Variants in RFTN1 observed in about 807,000 individuals in gnomAD.
The protein encoded by RFTN1 is raftlin, lipid raft linker 1, also known as raftlin.
RFTN1 carries 26 observed loss-of-function variants against 46.5 expected under a neutral mutation model. That is an observed-to-expected ratio of 0.56 (90% confidence interval 0.41 to 0.78). The LOEUF (loss-of-function observed/expected upper bound fraction) is 0.78. RFTN1 is among the 30% of genes least tolerant of loss of function. The pLI, the probability that RFTN1 is intolerant of heterozygous loss-of-function variation, is 0.00. For synonymous variants in RFTN1, 261 were observed against 284.2 expected, an observed-to-expected ratio of 0.92 and a Z score of 0.82; for missense variants, 693 against 718.7, an observed-to-expected ratio of 0.96 and a Z score of 0.41.
intron 4 of RFTN1, among the ~76,000 whole-genome samples, chr3:16,396,866 C>A (rs935308219): frequency 6.6e-6 from 1 of 152,030 alleles, no homozygotes; most frequent in Non-Finnish European, 1.5e-5. Flanking sequence ...AGTTTGAGAC[C>A]AGCCTGGCCA....
Position 16,321,974 on chromosome 3 carries a change from G to C in RFTN1, c.1332+1402C>G, listed in dbSNP as rs1428451122. On this transcript the variant is annotated intron_variant, in intron 9 of 9. Transcript: ENST00000334133. The surrounding 1 kb of genome is among the most constrained non-coding windows in gnomAD (Gnocchi z 4.8). ...TGGAATCTGTGTGCCCCACCACCAG[G>C]AACCTGTTAGGCAAAGGTGGCACCA... Among the ~76,000 whole-genome samples the C allele has an allele frequency of 6.6e-6, 1 of 152,186 alleles. No homozygotes were observed. Among genetic ancestry groups the C allele is most frequent in the Non-Finnish European group, 1.5e-5 (1 of 68,024 alleles).
At chr3:16,403,651 TAA>T (rs1559326407) in intron 4 of RFTN1, among the ~76,000 whole-genome samples, 2 of 50,242 alleles carry the variant, frequency 4.0e-5, no homozygotes, top group African/African-American at 1.7e-4. Flanking sequence ...AATATATATA[TAA>T]TATATATTTT....
At chr3:16,488,602 GATA>G (rs2076490834) in intron 2 of RFTN1, among the ~76,000 whole-genome samples, 1 of 152,304 alleles carries the variant, frequency 6.6e-6, no homozygotes, top group East Asian at 1.9e-4. Context: ...CATTCTACAT[GATA>G]ATAAGTTTTC....
intron 2 of RFTN1, among the ~76,000 whole-genome samples, chr3:16,441,788 C>T (rs1413560921): frequency 6.6e-6 from 1 of 152,208 alleles, no homozygotes; most frequent in Non-Finnish European, 1.5e-5. Flanking sequence ...ATTTCCCTCA[C>T]AGGTGAAGCT....
chr3:16,430,356 T>C (rs534815960), intron 3 of RFTN1, among the ~76,000 whole-genome samples: 9 of 152,206 alleles, frequency 5.9e-5, no homozygotes, highest in Non-Finnish European at 1.2e-4. Flanking sequence ...AAGAGAATCT[T>C]CTGCCTTGGT....
Position 16,398,063 on chromosome 3 carries a change from G to T in RFTN1, c.441+11312C>A, listed in dbSNP as rs536104387. On this transcript the variant is annotated intron_variant, in intron 4 of 9. Transcript: ENST00000334133. ...AGTTCGAGACCAGCCTGCCCAAAAT[G>T]GTGAAACCCCGTCTCTACTAAAAAT... Among the ~76,000 whole-genome samples, 177 of 152,002 alleles carry T rather than the reference G, an allele frequency of 1.2e-3. 1 individual carries two copies. Among genetic ancestry groups the T allele is most frequent in the African/African-American group, 3.5e-3 (147 of 41,444 alleles).
At chr3:16,464,687 T>C (rs2076061206) in intron 2 of RFTN1, among the ~76,000 whole-genome samples, 1 of 152,252 alleles carries the variant, frequency 6.6e-6, no homozygotes, top group Admixed American at 6.5e-5. Flanking sequence ...GTTTTGTAAA[T>C]AAAGTTTTAT....
intron 4 of RFTN1, among the ~76,000 whole-genome samples, chr3:16,388,258 A>G (rs1331784498): frequency 1.3e-5 from 2 of 152,192 alleles, no homozygotes; most frequent in South Asian, 2.1e-4. Flanking sequence ...TAGCTGGATG[A>G]GAGCTCTATG....
intron 6 of RFTN1, among the ~76,000 whole-genome samples, chr3:16,368,446 T>C (rs559873490): frequency 1.3e-5 from 2 of 152,132 alleles, no homozygotes; most frequent in East Asian, 3.9e-4. Flanking sequence ...CCAAGGCGGG[T>C]GGATCACGAG....
intron 2 of RFTN1, among the ~76,000 whole-genome samples, chr3:16,477,914 A>G (rs2076308590): frequency 6.6e-6 from 1 of 152,274 alleles, no homozygotes; most frequent in African/African-American, 2.4e-5. Context: ...AGCTCTGCTC[A>G]ACAGGCCCAT....
At position 16,352,033 on chromosome 3, in the gene RFTN1, A is replaced by G. The variant is rs2072138912; in HGVS notation, c.1146+5899T>C. Among the ~76,000 whole-genome samples, 1 of 152,248 alleles carries G rather than the reference A, an allele frequency of 6.6e-6. No individual in the cohort carries two copies. On this transcript the variant is annotated intron_variant, in intron 7 of 9. Transcript: ENST00000334133. The surrounding 1 kb of genome is among the most constrained non-coding windows in gnomAD (Gnocchi z 4.6). ...TACTTCAGCAGACACTCAACTCAAA[A>G]AGACTGGCAAATGGACATGTATTTA...
At chr3:16,444,042 A>C (rs1466753231) in intron 2 of RFTN1, among the ~76,000 whole-genome samples, 1 of 152,240 alleles carries the variant, frequency 6.6e-6, no homozygotes, top group East Asian at 1.9e-4. Flanking sequence ...GAGTATTAAT[A>C]CAATATTTCA....
intron 6 of RFTN1, among the ~76,000 whole-genome samples, 161 bp from the exon 7 acceptor site, chr3:16,358,208 A>G (rs1021668255): frequency 2.0e-5 from 3 of 152,214 alleles, no homozygotes; most frequent in African/African-American, 4.8e-5. Context: ...CATAGAGTCT[A>G]TCTAGCCCTA....
At position 16,322,894 on chromosome 3, in the gene RFTN1, G is replaced by A. The variant is rs948001208; in HGVS notation, c.1332+482C>T. Among the ~76,000 whole-genome samples, 2 of 152,164 alleles carry A rather than the reference G, an allele frequency of 1.3e-5. No homozygotes were observed. The highest frequency in any genetic ancestry group is 2.9e-5 in the Non-Finnish European group (2 of 68,030). On this transcript the variant is annotated intron_variant, in intron 9 of 9. Coordinates refer to ENST00000334133, the MANE Select transcript of RFTN1 (RefSeq NM_015150.2). This position sits in a 1 kb window ranked among gnomAD's most constrained non-coding sequence, Gnocchi z 6.2. ...CCAGCTGTCACACAGAGGCCTTTGG[G>A]TCTAGGCCTGTCATGAAGAAATTTT... is the stretch of plus-strand genomic sequence containing the variant.
intron 3 of RFTN1, among the ~76,000 whole-genome samples, chr3:16,416,866 A>AT (rs1559336313): frequency 1.3e-5 from 2 of 152,250 alleles, no homozygotes; most frequent in Non-Finnish European, 2.9e-5. Context: ...ACTTTTAAAA[A>AT]TTTTTTTATT....
At chr3:16,430,863 C>T (rs1198741205) in intron 3 of RFTN1, among the ~76,000 whole-genome samples, 1 of 152,216 alleles carries the variant, frequency 6.6e-6, no homozygotes, top group Admixed American at 6.5e-5. Context: ...TTCCTCTCAA[C>T]AGTTTGCTCA....
In RFTN1 at chr3:16,512,990, C is replaced by G. The variant is rs986834665; in HGVS notation, c.-9+452G>C. ...CACCCTGCCCCACCCAGGCCGCGCG[C>G]ACCCCGGAAACCTGGACTCCGCGAC... is the stretch of plus-strand genomic sequence containing the variant. On this transcript the variant is annotated intron_variant, in intron 1 of 9. Coordinates refer to ENST00000334133, the MANE Select transcript of RFTN1 (RefSeq NM_015150.2). This position sits in a 1 kb window ranked among gnomAD's most constrained non-coding sequence, Gnocchi z 4.3. 1 of 153,230 alleles carries G rather than the reference C, an allele frequency of 6.5e-6. No individual in the cohort carries two copies. The highest frequency in any genetic ancestry group is 2.4e-5 in the African/African-American group (1 of 41,434). 9.5% of individuals were successfully genotyped at this position (153,230 alleles called of 1,614,324 possible). A position where few individuals can be genotyped will look rare whatever the true frequency, so the allele number is the denominator to read the frequency against.
At chr3:16,367,444 A>G (rs2073257232) in intron 6 of RFTN1, among the ~76,000 whole-genome samples, 1 of 152,204 alleles carries the variant, frequency 6.6e-6, no homozygotes, top group African/African-American at 2.4e-5. Flanking sequence ...ATGGTGTTTA[A>G]AGTCAGAGTG....
chr3:16,405,175 G>T (rs2074822544), intron 4 of RFTN1, among the ~76,000 whole-genome samples: 1 of 152,038 alleles, frequency 6.6e-6, no homozygotes, highest in Non-Finnish European at 1.5e-5. Context: ...GGCCCCCACG[G>T]ACCTGCCAGC....
Sources: allele counts gnomAD v4.1 joint callset (sites outside exome capture counted in the v4.1 genomes callset), GRCh38; gene constraint gnomAD v4.1.1; non-coding constraint Gnocchi (gnomAD v3.1); transcripts MANE v1.5; gene names NCBI Gene and HGNC (gene_info 2026-07-23, HGNC 2026-07-21).